The following ABCA6 variants were observed in gnomAD, a reference collection of about 807,000 sequenced individuals.
ABCA6 encodes the protein ATP binding cassette subfamily A member 6.
In ABCA6, 164 loss-of-function variants were observed where a neutral mutation model predicts 191.2. That is an observed-to-expected ratio of 0.86 (90% CI 0.76 to 0.98). The LOEUF (loss-of-function observed/expected upper bound fraction) is 0.98. Among genes scored for constraint, ABCA6 ranks in the 50% least tolerant of loss-of-function variants. ABCA6 has a pLI of 0.00. For missense variants in ABCA6, 1,958 were observed against 1,894.1 expected (o/e 1.03, Z -0.63); for synonymous variants, 636 against 647.7 (o/e 0.98, Z 0.27).
chr17:69,097,906 C>T lies in ABCA6; in HGVS notation c.3120+14G>A. On this transcript the variant is annotated intron_variant, in intron 23 of 38. Transcript: ENST00000284425. ...AAATTCCTGAAATTTCTTCTTTTCC[C>T]TGCTTTTTCTTACCTTGTAATCACT... 1 of 1,553,118 alleles carries T rather than the reference C, an allele frequency of 6.4e-7. No individual in the cohort carries two copies. The highest frequency in any genetic ancestry group is 1.4e-5 in the African/African-American group (1 of 71,554).
intron 11 of ABCA6, 130 bp from the exon 12 acceptor site, chr17:69,115,616 A>G (rs1192215497): frequency 1.1e-5 from 6 of 539,558 alleles, no homozygotes; most frequent in Middle Eastern, 6.5e-4. Context: ...AATACTTTAA[A>G]ATACACAATG....
Position 69,115,263 on chromosome 17 carries a change from G to T in ABCA6, c.1606+113C>A, listed in dbSNP as rs1044060714. The T allele has an allele frequency of 1.3e-5, 9 of 715,632 alleles. No individual in the cohort carries two copies. In the African/African-American group the frequency reaches 1.3e-4, roughly 10 times the overall value. 44.3% of individuals were successfully genotyped at this position (715,632 alleles called of 1,614,324 possible). On this transcript the variant is annotated intron_variant, in intron 12 of 38. Coordinates refer to ENST00000284425, the MANE Select transcript of ABCA6 (RefSeq NM_080284.3). ...TATGTAGCTCTTGGAAACAACTTTA[G>T]ATAAACATTATTTCTCTTAAGCCAT...
rs1391434385 is a variant in ABCA6, at chr17:69,114,936, T to C, written c.1608A>G (p.Gly536=). ...ILNGLSVPTE[G]SVTIYNKNLS... ...GATTTTTATTATAGATGGTAACTGATCCTAAGAATAGAAGTTAAAAATAAA... is the reference window on the plus strand; with the variant it reads ...GATTTTTATTATAGATGGTAACTGACCCTAAGAATAGAAGTTAAAAATAAA... Residue 536 remains glycine (G), a splice_region_variant and synonymous_variant, in exon 13 of 39, where the codon GGA becomes GGG. Transcript: ENST00000284425. 1.3e-6 allele frequency: 2 copies of C among 1,599,400 alleles called. No individual in the cohort carries two copies. The highest frequency in any genetic ancestry group is 8.5e-7 in the Non-Finnish European group (1 of 1,172,190).
At chr17:69,123,657 C>CA (rs1342460445) in intron 9 of ABCA6, among the ~76,000 whole-genome samples, 2 of 151,286 alleles carry the variant, frequency 1.3e-5, no homozygotes, top group Non-Finnish European at 3.0e-5. Context: ...AGAATGTGAT[C>CA]AAAAAAAAGA....
intron 12 of ABCA6, 71 bp from the exon 13 acceptor site, chr17:69,115,008 G>C: frequency 8.6e-7 from 1 of 1,167,056 alleles, no homozygotes; most frequent in Non-Finnish European, 1.2e-6. Context: ...TCTCATTTAA[G>C]AAAATATTGG....
At chr17:69,088,108 G>A in intron 28 of ABCA6, 59 bp downstream of exon 28, 1 of 1,393,238 alleles carries the variant, frequency 7.2e-7, no homozygotes, top group Non-Finnish European at 9.9e-7. Context: ...TGATAGCACA[G>A]ACACCATCTA....
Position 69,083,333 on chromosome 17 carries a change from T to C in ABCA6, c.4356-2A>G, listed in dbSNP as rs1471062067. ...TTAACGACTGCCTGGATTGCCTGCC[T>C]GCAGTGAGCAAAAAAATTAACAGTA... is the stretch of plus-strand genomic sequence containing the variant. On this transcript the variant is annotated splice_acceptor_variant, in intron 34 of 38. Transcript: ENST00000284425. LOFTEE classifies it high-confidence loss of function. 2 of 1,569,854 alleles carry C rather than the reference T, an allele frequency of 1.3e-6. No homozygotes were observed. Among genetic ancestry groups the C allele is most frequent in the Non-Finnish European group, 1.7e-6 (2 of 1,167,304 alleles).
chr17:69,134,368 G>A (rs772857854), intron 5 of ABCA6, among the ~76,000 whole-genome samples: 11 of 152,140 alleles, frequency 7.2e-5, no homozygotes, highest in Non-Finnish European at 1.6e-4. Context: ...AGCTGAGGCA[G>A]TTTTTGCTCT....
At chr17:69,107,971 T>C in intron 17 of ABCA6, 159 bp from the exon 18 acceptor site, 1 of 556,370 alleles carries the variant, frequency 1.8e-6, no homozygotes, top group Non-Finnish European at 3.1e-6. Flanking sequence ...GAGAATGCTC[T>C]CCTTCTCTGA....
Position 69,121,945 on chromosome 17 carries a change from G to A in ABCA6, c.1436+1294C>T, listed in dbSNP as rs367667909. Among the ~76,000 whole-genome samples the A allele has an allele frequency of 2.5e-4, 38 of 152,010 alleles. No homozygotes were observed. The East Asian group carries it at 7.0e-3, about 28-fold the overall frequency. ...GTTGCCCCTCTCAGAAAACTTAAACGGAAAATTGGTTAAGAACTAGATGGA... is the reference window on the plus strand; with the variant it reads ...GTTGCCCCTCTCAGAAAACTTAAACAGAAAATTGGTTAAGAACTAGATGGA... On this transcript the variant is annotated intron_variant, in intron 10 of 38. Transcript: ENST00000284425.
chr17:69,087,409 TATCTTC>T lies in ABCA6; in HGVS notation c.3757_3762del (p.Glu1253_Asp1254del). ...GCTGTTCTTATTCTTTCTGTTTGAA[TATCTTC>T]ATCTTCATCTATGGGTTCTTCTGGA... On this transcript the variant is annotated inframe_deletion, in exon 29 of 39. Coordinates refer to ENST00000284425, the MANE Select transcript of ABCA6 (RefSeq NM_080284.3). The T allele has an allele frequency of 1.2e-6, 2 of 1,613,996 alleles. No homozygotes were observed. Among genetic ancestry groups the T allele is most frequent in the Non-Finnish European group, 1.7e-6 (2 of 1,179,888 alleles).
At position 69,085,069 on chromosome 17, in the gene ABCA6, G is replaced by A. The variant is rs2072745663; in HGVS notation, c.4143C>T (p.Val1381=). 1 of 1,613,532 alleles carries A rather than the reference G, an allele frequency of 6.2e-7. No homozygotes were observed. Among genetic ancestry groups the A allele is most frequent in the South Asian group, 1.1e-5 (1 of 90,992 alleles). Residue 1381 remains valine (V), a synonymous_variant, in exon 32 of 39, where the codon GTC becomes GTT. Transcript: ENST00000284425. ...TCGCGTCCGCTTTCCTGAGCCCCTT[G>A]ACGGCAGCATACACCTCCAGGTGTT... ...LREHLEVYAA[V]KGLRKADARL... is the part of the protein sequence containing the mutation.
At chr17:69,112,888 A>G (rs1429946180) in intron 15 of ABCA6, 1 of 163,106 alleles carries the variant, frequency 6.1e-6, no homozygotes, top group South Asian at 2.0e-4. Flanking sequence ...AAAAAAACAC[A>G]TAAATTACAT....
At chr17:69,085,237 A>G in intron 31 of ABCA6, 55 bp from the exon 32 acceptor site, 1 of 1,522,330 alleles carries the variant, frequency 6.6e-7, no homozygotes, top group Middle Eastern at 1.7e-4. Context: ...CAATAGCGTA[A>G]TTACTCCAGA....
intron 19 of ABCA6, 139 bp downstream of exon 19, chr17:69,105,889 T>C (rs2073290861): frequency 1.0e-6 from 1 of 958,764 alleles, no homozygotes; most frequent in Admixed American, 2.9e-5. Context: ...GTATTCCCAC[T>C]GTCAGAAAAA....
At chr17:69,131,982 T>C (rs986903948) in intron 6 of ABCA6, among the ~76,000 whole-genome samples, 6 of 152,182 alleles carry the variant, frequency 3.9e-5, no homozygotes, top group Non-Finnish European at 5.9e-5. Context: ...GTCCATTCTT[T>C]TGTATTTCCC....
intron 21 of ABCA6, 121 bp from the exon 22 acceptor site, chr17:69,101,055 T>C (rs774363148): frequency 4.3e-5 from 36 of 832,488 alleles, no homozygotes; most frequent in Non-Finnish European, 5.8e-5. Context: ...TCAAGTGAAC[T>C]AAACTTTCTG....
At chr17:69,082,056 C>G (rs570748851) in intron 36 of ABCA6, among the ~76,000 whole-genome samples, 2 of 152,258 alleles carry the variant, frequency 1.3e-5, no homozygotes, top group South Asian at 4.2e-4. Flanking sequence ...CCTTTTCAGA[C>G]CAGCCACTGC....
In ABCA6 at chr17:69,124,950, A is replaced by G; in HGVS notation, c.1205T>C (p.Met402Thr). The change falls in exon 9 of 39, where the codon ATG becomes ACG. Residue 402 changes from methionine (M) to threonine (T), a missense_variant. By Grantham distance (81) the Met-to-Thr change is moderately conservative. Coordinates refer to ENST00000284425, the MANE Select transcript of ABCA6 (RefSeq NM_080284.3). Reference protein sequence around the residue: ...DSYTMIATFSMLLLDGLIYLL... With the variant: ...DSYTMIATFSTLLLDGLIYLL... ...GTAGATGAGACCATCCAAAAGCAACATAGAAAAAGTTGCTATCATTGTATA... is the reference window on the plus strand; with the variant it reads ...GTAGATGAGACCATCCAAAAGCAACGTAGAAAAAGTTGCTATCATTGTATA... 6.3e-7 allele frequency: 1 copy of G among 1,575,482 alleles called. No homozygotes were observed. The highest frequency in any genetic ancestry group is 2.3e-5 in the East Asian group (1 of 42,760).
Sources: allele counts gnomAD v4.1 joint callset (sites outside exome capture counted in the v4.1 genomes callset), GRCh38; gene constraint gnomAD v4.1.1; transcripts MANE v1.5; gene names NCBI Gene and HGNC (gene_info 2026-07-23, HGNC 2026-07-21).